The following GABRA3 variants were observed in gnomAD, a reference collection of about 807,000 sequenced individuals.
GABRA3 encodes the protein gamma-aminobutyric acid receptor subunit alpha-3.
GABRA3 carries 10 observed loss-of-function variants against 30.1 expected under a neutral mutation model. That is an observed-to-expected ratio of 0.33 (90% confidence interval 0.20 to 0.56). GABRA3 has a LOEUF of 0.56. GABRA3 is among the 20% of genes least tolerant of loss of function. The probability of loss-of-function intolerance (pLI) is 0.89; values close to 1 mark genes in which losing one functional copy is unlikely to be tolerated. For missense variants in GABRA3, 233 were observed against 392.0 expected (o/e 0.59, Z 3.42); for synonymous variants, 151 against 146.8 (o/e 1.03, Z -0.21).
chrX:152,274,276 G>C (rs761953582), intron 4 of GABRA3, among the ~76,000 whole-genome samples: 1 of 111,168 alleles, frequency 9.0e-6, no homozygotes, highest in South Asian at 3.8e-4. Flanking sequence ...CCAATAATTT[G>C]TAAGTTTAAA....
At chrX:152,393,430 A>G (rs1355340279) in intron 1 of GABRA3, 3 of 378,801 alleles carry the variant, frequency 7.9e-6, no homozygotes, top group African/African-American at 7.7e-5. Context: ...AGCAGTAGAC[A>G]ATGAAGGTTC....
intron 8 of GABRA3, among the ~76,000 whole-genome samples, chrX:152,196,431 AAAGGAAGG>A (rs371088098): frequency 9.2e-6 from 1 of 108,663 alleles, no homozygotes; most frequent in Non-Finnish European, 1.9e-5. Context: ...AGAAAGAAAG[AAAGGAAGG>A]AAGGAAGGAA....
rs755089396 is a variant in GABRA3 at position 152,227,609 on chromosome X, T to TTA, written c.552-2765_552-2764insTA. ...ATTAAATGGGTTACATTTTTTTTTT[T>TTA]AAAAAAAAAAGAACATTCCCATCAG... On this transcript the variant is annotated intron_variant, in intron 5 of 9. Coordinates refer to ENST00000370314, the MANE Select transcript of GABRA3 (RefSeq NM_000808.4). Among the ~76,000 whole-genome samples, 481 of 99,761 alleles carry TTA rather than the reference T, an allele frequency of 4.8e-3. 2 individuals carry two copies. The Middle Eastern group carries it at 0.065, about 13-fold the overall frequency. The allele number at this position is 99,761 out of a possible 115,157, so 86.6% of individuals were successfully genotyped here. A position where few individuals can be genotyped will look rare whatever the true frequency, so the allele number is the denominator to read the frequency against.
At chrX:152,304,446 T>C (rs1330583964) in intron 3 of GABRA3, among the ~76,000 whole-genome samples, 2 of 112,527 alleles carry the variant, frequency 1.8e-5, no homozygotes, top group South Asian at 7.3e-4. Context: ...TATATTTGAA[T>C]CTTTAATCCA....
At chrX:152,320,712 G>T (rs756570864) in intron 3 of GABRA3, among the ~76,000 whole-genome samples, 1 of 111,195 alleles carries the variant, frequency 9.0e-6, no homozygotes, top group South Asian at 3.8e-4. Context: ...TTCCCCCAAA[G>T]CCTATGGAAA....
intron 5 of GABRA3, among the ~76,000 whole-genome samples, chrX:152,237,470 G>T (rs1166494840): frequency 3.0e-5 from 3 of 100,966 alleles, no homozygotes; most frequent in Non-Finnish European, 3.9e-5. Flanking sequence ...GATTGACTTG[G>T]CAATGCGGGC....
At chrX:152,326,218 C>T (rs1940054795) in intron 3 of GABRA3, among the ~76,000 whole-genome samples, 1 of 111,665 alleles carries the variant, frequency 9.0e-6, no homozygotes, top group African/African-American at 3.3e-5. Context: ...AAGACCAAAT[C>T]TACATCTGAT....
Position 152,374,592 on chromosome X carries a change from T to C in GABRA3, c.-26-9996A>G, listed in dbSNP as rs12689394. Among the ~76,000 whole-genome samples the C allele has an allele frequency of 0.016, 1,791 of 111,268 alleles. 145 individuals carry two copies. The East Asian group carries it at 0.33, about 20-fold the overall frequency. ...GTCTCGATCTCCTGACCTCGTGATC[T>C]GCCTGTCTCGGCCTCTCAAAGTGTT... On this transcript the variant is annotated intron_variant, in intron 1 of 9. Coordinates refer to ENST00000370314, the MANE Select transcript of GABRA3 (RefSeq NM_000808.4).
chrX:152,369,645 C>T (rs1928775260), intron 1 of GABRA3, among the ~76,000 whole-genome samples: 1 of 111,175 alleles, frequency 9.0e-6, no homozygotes, highest in Admixed American at 9.6e-5. Flanking sequence ...TTGAGGGCTT[C>T]CCTGGCCACC....
rs1353213430 is a variant in GABRA3 at position 152,223,590 on chromosome X, C to A, written c.634+1173G>T. 4.5e-5 allele frequency among the ~76,000 whole-genome samples: 5 copies of A among 110,151 alleles called. No individual in the cohort carries two copies. In the East Asian group the frequency reaches 1.4e-3, roughly 32 times the overall value. ...CAGCCACACTGGCTGAACAAGTCAC[C>A]TATTTTTCAGACATACGGTATTTTT... On this transcript the variant is annotated intron_variant, in intron 6 of 9. Coordinates refer to ENST00000370314, the MANE Select transcript of GABRA3 (RefSeq NM_000808.4).
chrX:152,404,732 T>TTTA (rs201230420), intron 1 of GABRA3, among the ~76,000 whole-genome samples: 7 of 65,902 alleles, frequency 1.1e-4, no homozygotes, highest in African/African-American at 2.1e-4. Flanking sequence ...CAGGAAGTCA[T>TTTA]TTATTATTAT....
At chrX:152,178,710 T>C (rs1030404928) in intron 9 of GABRA3, among the ~76,000 whole-genome samples, 3 of 111,695 alleles carry the variant, frequency 2.7e-5, no homozygotes, top group Non-Finnish European at 5.6e-5. Context: ...TTATTATTTT[T>C]AATGTTGAAT....
In GABRA3 at chrX:152,232,814, G is replaced by C. The variant is rs372213380; in HGVS notation, c.552-7969C>G. Among the ~76,000 whole-genome samples, 12 of 110,011 alleles carry C rather than the reference G, an allele frequency of 1.1e-4. No homozygotes were observed. In the South Asian group the frequency reaches 4.2e-3, roughly 39 times the overall value. The stretch of plus-strand genomic sequence containing the variant: ...AAATATCATTTTGATATAATGATTT[G>C]TCTTTGTGTAGATACCCAAGAGCGA... On this transcript the variant is annotated intron_variant, in intron 5 of 9. Coordinates refer to ENST00000370314, the MANE Select transcript of GABRA3 (RefSeq NM_000808.4).
intron 1 of GABRA3, among the ~76,000 whole-genome samples, chrX:152,430,251 T>C (rs1472819706): frequency 1.8e-5 from 2 of 111,542 alleles, no homozygotes. Context: ...AAAAATGAAC[T>C]CAGCAATAGG....
intron 1 of GABRA3, among the ~76,000 whole-genome samples, chrX:152,370,794 A>G (rs750937582): frequency 1.8e-5 from 2 of 110,640 alleles, no homozygotes; most frequent in South Asian, 7.7e-4. Flanking sequence ...CTCTGACCAC[A>G]TATTTCCAAC....
At chrX:152,280,889 C>T (rs375808273) in intron 4 of GABRA3, among the ~76,000 whole-genome samples, 1 of 110,984 alleles carries the variant, frequency 9.0e-6, no homozygotes, top group Non-Finnish European at 1.9e-5. Context: ...CTCCCTGACT[C>T]TCCTAACATT....
intron 5 of GABRA3, among the ~76,000 whole-genome samples, chrX:152,235,182 C>A (rs1029743989): frequency 1.2e-4 from 13 of 111,518 alleles, no homozygotes; most frequent in African/African-American, 4.2e-4. Flanking sequence ...AGATCTTTCA[C>A]CTCCTTGGTT....
chrX:152,354,094 T>A (rs1054651215), intron 2 of GABRA3, among the ~76,000 whole-genome samples: 9 of 112,003 alleles, frequency 8.0e-5, no homozygotes, highest in Non-Finnish European at 1.7e-4. Context: ...TATATGTAAG[T>A]AAATATTCAG....
At chrX:152,421,608 C>T (rs1044366984) in intron 1 of GABRA3, among the ~76,000 whole-genome samples, 6 of 110,831 alleles carry the variant, frequency 5.4e-5, no homozygotes, top group African/African-American at 9.8e-5. Flanking sequence ...AAGGCAAGCC[C>T]CATGGGGTGG....
Sources: allele counts gnomAD v4.1 joint callset (sites outside exome capture counted in the v4.1 genomes callset), GRCh38; gene constraint gnomAD v4.1.1; transcripts MANE v1.5; gene names NCBI Gene and HGNC (gene_info 2026-07-23, HGNC 2026-07-21).